The following GPATCH2 variants were observed in gnomAD, a reference collection of about 807,000 sequenced individuals.
GPATCH2 encodes G-patch domain containing 2.
In GPATCH2, 51 loss-of-function variants were observed where a neutral mutation model predicts 58.0. The observed-to-expected ratio is 0.88, with a 90% CI of 0.70 to 1.11. GPATCH2 has a LOEUF of 1.11. GPATCH2 is among the 50% of genes most tolerant of loss of function. The pLI, the probability that GPATCH2 is intolerant of heterozygous loss-of-function variation, is 0.00. For synonymous variants in GPATCH2, 222 were observed against 218.5 expected (o/e 1.02, Z -0.14); for missense variants, 625 against 652.2 (o/e 0.96, Z 0.45).
intron 8 of GPATCH2, among the ~76,000 whole-genome samples, chr1:217,452,471 T>C (rs1659712610): frequency 6.6e-6 from 1 of 152,204 alleles, no homozygotes; most frequent in South Asian, 2.1e-4. Context: ...ACTGTGACTA[T>C]TAATACCATT....
intron 5 of GPATCH2, among the ~76,000 whole-genome samples, chr1:217,600,866 C>T (rs926085386): frequency 6.6e-6 from 1 of 152,066 alleles, no homozygotes; most frequent in African/African-American, 2.4e-5. Flanking sequence ...AAATGATGAT[C>T]ACAGTCTAAG....
chr1:217,475,911 C>T (rs1157313325), intron 8 of GPATCH2, among the ~76,000 whole-genome samples: 1 of 151,918 alleles, frequency 6.6e-6, no homozygotes, highest in African/African-American at 2.4e-5. Context: ...AAGGAAATCT[C>T]AAGCATGATA....
intron 1 of GPATCH2, among the ~76,000 whole-genome samples, chr1:217,623,216 G>T (rs1328729270): frequency 6.6e-6 from 1 of 151,884 alleles, no homozygotes; most frequent in African/African-American, 2.4e-5. Flanking sequence ...CTTATCAATG[G>T]GTGAATGGCC....
intron 7 of GPATCH2, among the ~76,000 whole-genome samples, chr1:217,494,630 C>T (rs1401853864): frequency 1.3e-5 from 2 of 152,000 alleles, no homozygotes; most frequent in Admixed American, 6.6e-5. Flanking sequence ...TTAATCCCAG[C>T]TACTCAGGGA....
At chr1:217,472,296 C>CTTTT (rs11326840) in intron 8 of GPATCH2, among the ~76,000 whole-genome samples, 8 of 90,006 alleles carry the variant, frequency 8.9e-5, no homozygotes, top group Admixed American at 2.9e-4. Flanking sequence ...TTTCAACAGA[C>CTTTT]TTTTTTTTTT....
chr1:217,472,426 C>T (rs1027282466), intron 8 of GPATCH2, among the ~76,000 whole-genome samples: 1 of 151,670 alleles, frequency 6.6e-6, no homozygotes, highest in Non-Finnish European at 1.5e-5. Context: ...CTCAGCCTCC[C>T]GAGTGGCTGG....
chr1:217,477,407 C>T lies in GPATCH2; in HGVS notation c.1277+14273G>A, dbSNP rs547243771. Among the ~76,000 whole-genome samples, 22 of 152,154 alleles carry T rather than the reference C, an allele frequency of 1.4e-4. 1 individual carries two copies. In the South Asian group the frequency reaches 4.6e-3, roughly 32 times the overall value. ...AGCTTGGCCACAGGGGCACGGAGCACCAAGTGGGATCCTGGGGTCCCTGAT... is the reference window on the plus strand; with the variant it reads ...AGCTTGGCCACAGGGGCACGGAGCATCAAGTGGGATCCTGGGGTCCCTGAT... On this transcript the variant is annotated intron_variant, in intron 8 of 9. Coordinates refer to ENST00000366935, the MANE Select transcript of GPATCH2 (RefSeq NM_018040.5).
At chr1:217,569,562 GCA>G in intron 5 of GPATCH2, among the ~76,000 whole-genome samples, 1 of 152,200 alleles carries the variant, frequency 6.6e-6, no homozygotes, top group East Asian at 1.9e-4. Context: ...AGGTGTGGTG[GCA>G]TGCACCTGTA....
intron 9 of GPATCH2, among the ~76,000 whole-genome samples, chr1:217,448,667 C>T (rs1361994882): frequency 6.6e-6 from 1 of 152,150 alleles, no homozygotes; most frequent in Non-Finnish European, 1.5e-5. Flanking sequence ...TTCTCAATAC[C>T]ACGCTCATTA....
intron 9 of GPATCH2, among the ~76,000 whole-genome samples, chr1:217,446,718 A>T (rs2102548375): frequency 6.6e-6 from 1 of 152,278 alleles, no homozygotes; most frequent in Non-Finnish European, 1.5e-5. Context: ...TATTAAGAAA[A>T]TCACAATTTT....
chr1:217,624,250 T>G (rs775359132), intron 1 of GPATCH2, among the ~76,000 whole-genome samples: 2 of 151,512 alleles, frequency 1.3e-5, no homozygotes, highest in Non-Finnish European at 2.9e-5. Context: ...GGGCACAGTG[T>G]CTCACGCCTG....
intron 7 of GPATCH2, chr1:217,492,792 A>G (rs1024239582): frequency 6.6e-6 from 1 of 152,232 alleles, no homozygotes; most frequent in Non-Finnish European, 1.5e-5. Context: ...AAACTGGAAC[A>G]TAGGAAATGC....
At chr1:217,431,891 G>T (rs995576638) in intron 9 of GPATCH2, among the ~76,000 whole-genome samples, 4 of 151,950 alleles carry the variant, frequency 2.6e-5, no homozygotes, top group African/African-American at 9.7e-5. Context: ...TGAATTCCTA[G>T]GAATTTACAT....
chr1:217,448,100 G>GAAAAA (rs796368256), intron 9 of GPATCH2, among the ~76,000 whole-genome samples: 1 of 115,658 alleles, frequency 8.6e-6, no homozygotes, highest in Non-Finnish European at 1.9e-5. Context: ...CTCTGTCTCA[G>GAAAAA]AAAAAAAAAA....
intron 5 of GPATCH2, among the ~76,000 whole-genome samples, chr1:217,572,887 T>C (rs991798805): frequency 1.3e-5 from 2 of 152,190 alleles, no homozygotes; most frequent in East Asian, 1.9e-4. Flanking sequence ...AGTGAAAATA[T>C]AAGAAGAAAT....
intron 5 of GPATCH2, among the ~76,000 whole-genome samples, chr1:217,547,229 G>C (rs1280595675): frequency 2.0e-5 from 3 of 152,078 alleles, no homozygotes; most frequent in Admixed American, 2.0e-4. Flanking sequence ...CAGGTGTGGT[G>C]GTGGGCACCT....
At chr1:217,444,956 T>C (rs1447527651) in intron 9 of GPATCH2, among the ~76,000 whole-genome samples, 1 of 152,188 alleles carries the variant, frequency 6.6e-6, no homozygotes, top group African/African-American at 2.4e-5. Context: ...TCTTCACTCA[T>C]TATTATTATT....
At chr1:217,522,986 G>T (rs956791708) in intron 5 of GPATCH2, among the ~76,000 whole-genome samples, 1 of 151,690 alleles carries the variant, frequency 6.6e-6, no homozygotes, top group Non-Finnish European at 1.5e-5. Flanking sequence ...AATGGTTTAT[G>T]AAAATACTAT....
At chr1:217,505,071 G>A (rs1662484215) in intron 6 of GPATCH2, among the ~76,000 whole-genome samples, 1 of 152,148 alleles carries the variant, frequency 6.6e-6, no homozygotes, top group Non-Finnish European at 1.5e-5. Context: ...TGGGAGTAGG[G>A]AGCACAGAAG....
Sources: allele counts gnomAD v4.1 joint callset (sites outside exome capture counted in the v4.1 genomes callset), GRCh38; gene constraint gnomAD v4.1.1; transcripts MANE v1.5; gene names NCBI Gene and HGNC (gene_info 2026-07-23, HGNC 2026-07-21).